Variants in CSF1R observed in about 807,000 individuals in gnomAD.
CSF1R encodes the protein macrophage colony-stimulating factor 1 receptor.
A neutral mutation model predicts 110.0 loss-of-function variants in CSF1R; 40 were observed. The ratio of observed to expected loss-of-function variants is 0.36; its 90% confidence interval spans 0.28 to 0.47. CSF1R has a LOEUF of 0.47. Ranked by LOEUF, CSF1R falls within the 20% of genes least tolerant of loss-of-function variation. CSF1R has a pLI of 0.99. For synonymous variants in CSF1R, 523 were observed against 503.4 expected, an observed-to-expected ratio of 1.04 and a Z score of -0.52; for missense variants, 1,052 against 1,253.0, an observed-to-expected ratio of 0.84 and a Z score of 2.42.
chr5:150,060,719 T>C, intron 13 of CSF1R, 143 bp downstream of exon 13: 1 of 591,546 alleles, frequency 1.7e-6, no homozygotes, highest in Non-Finnish European at 3.0e-6. Flanking sequence ...GCCCAGGAGT[T>C]TAAGGGATGC....
At chr5:150,080,590 G>C (rs1316447536) in intron 2 of CSF1R, among the ~76,000 whole-genome samples, 177 bp downstream of exon 2, 1 of 152,210 alleles carries the variant, frequency 6.6e-6, no homozygotes, top group Admixed American at 6.5e-5. Flanking sequence ...CATCATCATA[G>C]ACCCGACTTG....
chr5:150,093,140 G>A (rs897982028), intron 1 of CSF1R, among the ~76,000 whole-genome samples: 7 of 152,220 alleles, frequency 4.6e-5, no homozygotes, highest in East Asian at 3.9e-4. Flanking sequence ...GGGCAGTGGC[G>A]TGATCTTGGC....
At position 150,054,294 on chromosome 5, in the gene CSF1R, C is replaced by G. The variant is rs41533349; in HGVS notation, c.2763+28G>C. 0.034 allele frequency: 54,888 copies of G among 1,613,904 alleles called. 2,996 individuals carry two copies. The highest frequency in any genetic ancestry group is 0.24 in the Admixed American group (14,607 of 59,970). On this transcript the variant is annotated intron_variant, in intron 20 of 20. Coordinates refer to ENST00000675795, the MANE Select transcript of CSF1R (RefSeq NM_001288705.3). ...GCCCAGCCCAACGTGCTTTACCGGCCACCCACCCCAAGCCTCACCCCACTC... is the reference window on the plus strand; with the variant it reads ...GCCCAGCCCAACGTGCTTTACCGGCGACCCACCCCAAGCCTCACCCCACTC...
At position 150,080,165 on chromosome 5, in the gene CSF1R, T is replaced by C; in HGVS notation, c.479A>G (p.His160Arg). 2 of 1,613,994 alleles carry C rather than the reference T, an allele frequency of 1.2e-6. No homozygotes were observed. Among genetic ancestry groups the C allele is most frequent in the Non-Finnish European group, 1.7e-6 (2 of 1,180,052 alleles). ...CTTGGCCCTGTGGATGGTGAAGCCATGCCAGGGCGAGAAGGAGTAGTTGGT... is the reference window on the plus strand; with the variant it reads ...CTTGGCCCTGTGGATGGTGAAGCCACGCCAGGGCGAGAAGGAGTAGTTGGT... ...RHTNYSFSPWHGFTIHRAKFI... is the reference protein window; with the variant it reads ...RHTNYSFSPWRGFTIHRAKFI... Residue 160 changes from histidine to arginine, a missense_variant, in exon 3 of 21, where the codon CAT becomes CGT. Physicochemically the swap from His to Arg is conservative, Grantham distance 29. Around this residue, in one of 5 missense-constraint regions of CSF1R, gnomAD observed 693 missense variants for 735.4 expected, o/e 0.94. Transcript: ENST00000675795.
chr5:150,090,752 T>C (rs1759012706), upstream of CSF1R, among the ~76,000 whole-genome samples: 1 of 152,204 alleles, frequency 6.6e-6, no homozygotes, highest in Non-Finnish European at 1.5e-5. Context: ...TGTCCTCACT[T>C]ATAAGTGGAA....
intron 1 of CSF1R, among the ~76,000 whole-genome samples, chr5:150,109,824 A>G (rs1220408448): frequency 1.3e-5 from 2 of 152,250 alleles, no homozygotes; most frequent in South Asian, 2.1e-4. Flanking sequence ...AACATATTTT[A>G]TAAATAATGG....
chr5:150,057,763 G>A (rs1424260638), intron 14 of CSF1R, among the ~76,000 whole-genome samples, 171 bp from the exon 15 acceptor site: 5 of 152,176 alleles, frequency 3.3e-5, no homozygotes, highest in South Asian at 2.1e-4. Context: ...GGCTGTCCCC[G>A]GTGAGGGAGC....
rs146470170 is a variant in CSF1R, at chr5:150,083,229, C to G, written c.50-2205G>C. ...CTTCTGTGCCTGTCCATTCTTCCCC[C>G]CTCTCATCTCCACTCCCCAATTCTC... On this transcript the variant is annotated intron_variant, in intron 1 of 20. Transcript: ENST00000675795. 5.5e-3 allele frequency among the ~76,000 whole-genome samples: 839 copies of G among 151,628 alleles called. 9 individuals are homozygous for G. Among genetic ancestry groups the G allele is most frequent in the African/African-American group, 0.018 (735 of 41,294 alleles).
intron 5 of CSF1R, among the ~76,000 whole-genome samples, chr5:150,075,581 C>T (rs780810942): frequency 7.0e-4 from 107 of 152,240 alleles, no homozygotes; most frequent in Non-Finnish European, 1.0e-3. Context: ...AACACCCTAT[C>T]TGAAGCTGCA....
intron 1 of CSF1R, among the ~76,000 whole-genome samples, chr5:150,095,436 C>A (rs1759192457): frequency 6.6e-6 from 1 of 151,936 alleles, no homozygotes; most frequent in Non-Finnish European, 1.5e-5. Flanking sequence ...TCTTGCATCA[C>A]AACAGAATCA....
At chr5:150,060,812 A>G in intron 13 of CSF1R, 50 bp downstream of exon 13, 1 of 1,265,646 alleles carries the variant, frequency 7.9e-7, no homozygotes, top group Non-Finnish European at 1.1e-6. Context: ...GGGCCCTGAG[A>G]TTCCCCAGAG....
At chr5:150,096,192 C>T (rs1008194228) in intron 1 of CSF1R, among the ~76,000 whole-genome samples, 1 of 152,128 alleles carries the variant, frequency 6.6e-6, no homozygotes, top group African/African-American at 2.4e-5. Flanking sequence ...AAGTTCGAGA[C>T]CAGCCTGGCC....
rs1305510375 is a variant in CSF1R at position 150,057,345 on chromosome 5, T to A, written c.2261A>T (p.Asp754Val). ...TACTTGGCTGGAGAAGTGAAGCAGG[T>A]CCCGGAGCTCCAGGGGCCGTCCATC... ...KEDGRPLELR[D>V]LLHFSSQVAQ... Residue 754 changes from aspartate (D) to valine (V), a missense_variant, in exon 16 of 21, where the codon GAC becomes GTC. Physicochemically the swap from Asp to Val is radical, Grantham distance 152 (BLOSUM62 -3). This residue lies in a region of CSF1R where 124 missense variants were observed against 117.7 expected (regional missense o/e 1.05). Coordinates refer to ENST00000675795, the MANE Select transcript of CSF1R (RefSeq NM_001288705.3). The A allele has an allele frequency of 1.2e-6, 2 of 1,613,990 alleles. No homozygotes were observed. Among genetic ancestry groups the A allele is most frequent in the South Asian group, 1.1e-5 (1 of 91,054 alleles).
intron 1 of CSF1R, among the ~76,000 whole-genome samples, chr5:150,085,005 G>A (rs1477616790): frequency 5.3e-5 from 8 of 152,020 alleles, no homozygotes; most frequent in African/African-American, 1.4e-4. Context: ...CAGGCCGGGC[G>A]CCGTGACTCA....
At chr5:150,065,668 C>CTCAAAG (rs145649700) in intron 10 of CSF1R, among the ~76,000 whole-genome samples, 1,599 of 152,326 alleles carry the variant, frequency 0.01, 24 homozygotes, top group African/African-American at 0.035. Context: ...ATCCTGCCCC[C>CTCAAAG]TCCGCTCCCA....
intron 5 of CSF1R, chr5:150,077,053 G>A (rs1758296000): frequency 1.6e-6 from 1 of 606,070 alleles, no homozygotes; most frequent in Non-Finnish European, 2.9e-6. Flanking sequence ...TGCACCCAAT[G>A]CAGCCATGCA....
Position 150,057,546 on chromosome 5 carries a change from T to C in CSF1R, c.2179A>G (p.Arg727Gly), listed in dbSNP as rs1757281675. 6.2e-7 allele frequency: 1 copy of C among 1,614,070 alleles called. No homozygotes were observed. Among genetic ancestry groups the C allele is most frequent in the Admixed American group, 1.7e-5 (1 of 60,002 alleles). ...SQGVDTYVEM[R>G]PVSTSSNDSF... ...TCATTTGAAGAAGTGGAGACAGGCC[T>C]CATCTCCACATAGGTGTCCACACCC... The change falls in exon 15 of 21, where the codon AGG becomes GGG. Residue 727 changes from arginine to glycine, a missense_variant. Arg to Gly is a moderately radical substitution (Grantham distance 125). Coordinates refer to ENST00000675795, the MANE Select transcript of CSF1R (RefSeq NM_001288705.3).
intron 11 of CSF1R, 54 bp from the exon 12 acceptor site, chr5:150,061,649 A>G: frequency 6.2e-7 from 1 of 1,614,048 alleles, no homozygotes; most frequent in African/African-American, 1.3e-5. Context: ...CCTCTGTCCA[A>G]GGGCCCATGG....
At chr5:150,062,584 A>C (rs1399698818) in intron 10 of CSF1R, among the ~76,000 whole-genome samples, 1 of 115,656 alleles carries the variant, frequency 8.6e-6, no homozygotes, top group Non-Finnish European at 1.9e-5. Context: ...GCTGCAGCAC[A>C]GGTCAGAATT....
Sources: gnomAD v4.1 joint callset for allele counts (sites outside exome capture counted in the v4.1 genomes callset) on GRCh38, gnomAD v4.1.1 for gene constraint, gnomAD v4.1.1 regional missense constraint, MANE v1.5 for transcripts, NCBI Gene and HGNC (gene_info 2026-07-23, HGNC 2026-07-21) for gene names.